The following PDCD1LG2 variants were observed in gnomAD, a reference collection of about 807,000 sequenced individuals.
PDCD1LG2 encodes the protein B7 dendritic cell molecule.
In PDCD1LG2, 32 loss-of-function variants were observed where a neutral mutation model predicts 28.2. The ratio of observed to expected loss-of-function variants is 1.13; its 90% CI spans 0.86 to 1.52. The LOEUF (loss-of-function observed/expected upper bound fraction) is 1.52, where lower values mean the gene tolerates loss of function less well. Among genes scored for constraint, PDCD1LG2 ranks in the 40% most tolerant of loss-of-function variants. PDCD1LG2 has a pLI of 0.00. For missense variants in PDCD1LG2, 385 were observed against 323.8 expected (o/e 1.19, Z -1.45); for synonymous variants, 116 against 120.2 (o/e 0.97, Z 0.23).
chr9:5,525,851 A>C (rs1248443744), intron 2 of PDCD1LG2, among the ~76,000 whole-genome samples: 1 of 152,038 alleles, frequency 6.6e-6, no homozygotes, highest in Admixed American at 6.5e-5. Context: ...GACCGAGACC[A>C]GCCTGGCCCG....
chr9:5,553,146 G>C (rs972509078), intron 4 of PDCD1LG2, among the ~76,000 whole-genome samples: 1 of 152,016 alleles, frequency 6.6e-6, no homozygotes, highest in Non-Finnish European at 1.5e-5. Flanking sequence ...GGAGGGGAGA[G>C]GAGGTAGGGA....
chr9:5,539,420 G>C (rs1318122371), intron 3 of PDCD1LG2, among the ~76,000 whole-genome samples: 1 of 152,176 alleles, frequency 6.6e-6, no homozygotes, highest in Non-Finnish European at 1.5e-5. Context: ...ATGGCATAAA[G>C]CTTGAAAATG....
Position 5,512,655 on chromosome 9 carries a change from A to G in PDCD1LG2, c.-15+1852A>G, listed in dbSNP as rs549037887. ...TTCCTCAATATTAACTAACATTTCC[A>G]TATTAGAAATAACTTCCTTATCTTT... On this transcript the variant is annotated intron_variant, in intron 1 of 6. Transcript: ENST00000397747. Among the ~76,000 whole-genome samples the G allele has an allele frequency of 7.2e-5, 11 of 152,258 alleles. No homozygotes were observed. The South Asian group carries it at 2.3e-3, about 32-fold the overall frequency.
chr9:5,557,766 A>G lies in PDCD1LG2; in HGVS notation c.766+14A>G. On this transcript the variant is annotated intron_variant, in intron 5 of 6. Transcript: ENST00000397747. ...ATTCTTCAAAAGGTAAGTGAGTTTT[A>G]TTCATGGTAACCCAATGCACTGGGT... 1.2e-6 allele frequency: 2 copies of G among 1,613,622 alleles called. No homozygotes were observed. Among genetic ancestry groups the G allele is most frequent in the Non-Finnish European group, 1.7e-6 (2 of 1,179,598 alleles).
At chr9:5,517,733 G>A (rs1820194840) in intron 1 of PDCD1LG2, among the ~76,000 whole-genome samples, 1 of 152,176 alleles carries the variant, frequency 6.6e-6, no homozygotes, top group South Asian at 2.1e-4. Flanking sequence ...TGGAAGCAGT[G>A]GAGGTGGTGA....
chr9:5,551,697 A>C (rs747639237), intron 4 of PDCD1LG2, among the ~76,000 whole-genome samples: 1 of 152,220 alleles, frequency 6.6e-6, no homozygotes, highest in Non-Finnish European at 1.5e-5. Flanking sequence ...TTTGAGGTGA[A>C]TTACTGACCT....
rs369847220 is a variant in PDCD1LG2, at chr9:5,559,645, G to A, written c.766+1893G>A. On this transcript the variant is annotated intron_variant, in intron 5 of 6. Transcript: ENST00000397747. Reference sequence around the variant, plus strand: ...ACTGCCGCTAGTGTGGTTCAACTTGGACTACAGAGAAATCTTCCTAACTGG... The same window carrying A: ...ACTGCCGCTAGTGTGGTTCAACTTGAACTACAGAGAAATCTTCCTAACTGG... 5.9e-5 allele frequency among the ~76,000 whole-genome samples: 9 copies of A among 152,188 alleles called. No homozygotes were observed. The East Asian group carries it at 1.5e-3, about 26-fold the overall frequency.
At position 5,522,711 on chromosome 9, in the gene PDCD1LG2, C is replaced by T. The variant is rs116167726; in HGVS notation, c.55+110C>T. The T allele has an allele frequency of 2.6e-3, 2,373 of 898,404 alleles. 36 individuals carry two copies. In the African/African-American group the frequency reaches 0.033, roughly 13 times the overall value. The allele number at this position is 898,404 out of a possible 1,614,324, so 55.7% of individuals were successfully genotyped here. ...AGGCTGAGGGCTTTCTTTGAGAGGA[C>T]GTATGATTTCTGGGCTATTCCAAGC... On this transcript the variant is annotated intron_variant, in intron 2 of 6. Coordinates refer to ENST00000397747, the MANE Select transcript of PDCD1LG2 (RefSeq NM_025239.4).
chr9:5,536,293 T>C (rs1820578624), intron 3 of PDCD1LG2, among the ~76,000 whole-genome samples: 1 of 152,176 alleles, frequency 6.6e-6, no homozygotes, highest in Non-Finnish European at 1.5e-5. Context: ...CATAAAGAAC[T>C]GAGCATGGTA....
At chr9:5,565,437 G>C in intron 6 of PDCD1LG2, among the ~76,000 whole-genome samples, 1 of 152,270 alleles carries the variant, frequency 6.6e-6, no homozygotes, top group Middle Eastern at 3.4e-3. Context: ...TCCTGCCTTG[G>C]CCTCCCAAAG....
In PDCD1LG2 at chr9:5,570,031, C is replaced by T. The variant is rs1167951108; in HGVS notation, c.*72C>T. Reference sequence around the variant, plus strand: ...AGCTTCTGGACTCTGAACAAGAATTCGGTGGCCTGCAGAGCTTGCCATTTG... The same window carrying T: ...AGCTTCTGGACTCTGAACAAGAATTTGGTGGCCTGCAGAGCTTGCCATTTG... On this transcript the variant is annotated 3_prime_UTR_variant, in exon 7 of 7. Transcript: ENST00000397747. 3.1e-6 allele frequency: 5 copies of T among 1,599,528 alleles called. No individual in the cohort carries two copies. The highest frequency in any genetic ancestry group is 3.4e-6 in the Non-Finnish European group (4 of 1,167,376).
rs1816755707 is a variant in PDCD1LG2 at position 5,570,806 on chromosome 9, A to G, written c.*847A>G. On this transcript the variant is annotated 3_prime_UTR_variant, in exon 7 of 7. Coordinates refer to ENST00000397747, the MANE Select transcript of PDCD1LG2 (RefSeq NM_025239.4). ...GCTAAAATGGCCAAAGCCCCAAACTAAGCCTCCTTTTCTGGCCCTCAATAT... is the reference window on the plus strand; with the variant it reads ...GCTAAAATGGCCAAAGCCCCAAACTGAGCCTCCTTTTCTGGCCCTCAATAT... 8.6e-6 allele frequency: 2 copies of G among 232,650 alleles called. No individual in the cohort carries two copies. The highest frequency in any genetic ancestry group is 5.6e-5 in the Admixed American group (1 of 17,770). The allele number at this position is 232,650 out of a possible 1,614,324, so 14.4% of individuals were successfully genotyped here. A position where few individuals can be genotyped will look rare whatever the true frequency, so the allele number is the denominator to read the frequency against.
intron 3 of PDCD1LG2, among the ~76,000 whole-genome samples, chr9:5,545,129 G>T (rs1816159218): frequency 6.6e-6 from 1 of 152,190 alleles, no homozygotes; most frequent in Admixed American, 6.5e-5. Flanking sequence ...CTAATTGAGT[G>T]TTTACTACGT....
intron 4 of PDCD1LG2, among the ~76,000 whole-genome samples, chr9:5,555,716 A>C (rs1023750383): frequency 6.6e-6 from 1 of 152,194 alleles, no homozygotes; most frequent in Non-Finnish European, 1.5e-5. Flanking sequence ...AGTCAGTGCC[A>C]AACCCATGTT....
chr9:5,525,365 A>C (rs1274171100), intron 2 of PDCD1LG2, among the ~76,000 whole-genome samples: 1 of 151,718 alleles, frequency 6.6e-6, no homozygotes, highest in African/African-American at 2.4e-5. Flanking sequence ...AAAAGAAAAA[A>C]AAACACTTAT....
intron 1 of PDCD1LG2, among the ~76,000 whole-genome samples, chr9:5,513,453 T>G (rs1820099190): frequency 6.6e-6 from 1 of 152,240 alleles, no homozygotes; most frequent in Admixed American, 6.5e-5. Flanking sequence ...TGTGAGAGTT[T>G]TAACCTTCCA....
rs74823347 is a variant in PDCD1LG2, at chr9:5,526,211, T to G, written c.55+3610T>G. On this transcript the variant is annotated intron_variant, in intron 2 of 6. Transcript: ENST00000397747. ...ACTTAATTAAATATATTTTGAAAAT[T>G]TATTTAAAGCTTTCTGTTGTAAAAT... Among the ~76,000 whole-genome samples, 52 of 152,254 alleles carry G rather than the reference T, an allele frequency of 3.4e-4. No homozygotes were observed. In the East Asian group the frequency reaches 7.3e-3, roughly 21 times the overall value.
Position 5,571,064 on chromosome 9 carries a change from G to A in PDCD1LG2, c.*1105G>A, listed in dbSNP as rs575808470. The A allele has an allele frequency of 1.3e-5, 3 of 232,302 alleles. No homozygotes were observed. The South Asian group carries it at 5.4e-4, about 42-fold the overall frequency. 14.4% of individuals were successfully genotyped at this position (232,302 alleles called of 1,614,324 possible). On this transcript the variant is annotated 3_prime_UTR_variant, in exon 7 of 7. Transcript: ENST00000397747. ...GCTGACCCTTGAACTATTCAAATGG[G>A]CACATTAGCTAGTATAACAGACTTA...
intron 2 of PDCD1LG2, among the ~76,000 whole-genome samples, chr9:5,529,334 G>A (rs569484609): frequency 1.3e-5 from 2 of 152,254 alleles, no homozygotes; most frequent in South Asian, 4.2e-4. Flanking sequence ...TATAAGGTGT[G>A]ATGTATAGGT....
Sources: allele counts gnomAD v4.1 joint callset (sites outside exome capture counted in the v4.1 genomes callset), GRCh38; gene constraint gnomAD v4.1.1; transcripts MANE v1.5; gene names NCBI Gene and HGNC (gene_info 2026-07-23, HGNC 2026-07-21).